L3MBTL4: variants seen among roughly 807,000 people sequenced by gnomAD.
L3MBTL4 encodes lethal(3)malignant brain tumor-like protein 4.
Under a neutral mutation model 84.5 loss-of-function variants are expected in L3MBTL4, and 70 were observed. That is an observed-to-expected ratio of 0.83 (90% CI 0.68 to 1.01). The LOEUF (loss-of-function observed/expected upper bound fraction) is 1.01. L3MBTL4 is among the 50% of genes least tolerant of loss of function. L3MBTL4 has a pLI of 0.00. For synonymous variants in L3MBTL4, 274 were observed against 259.8 expected (o/e 1.05, Z -0.52); for missense variants, 715 against 754.8 (o/e 0.95, Z 0.62).
Position 6,288,381 on chromosome 18 carries a change from G to A in L3MBTL4, c.127+13522C>T, listed in dbSNP as rs529452080. Among the ~76,000 whole-genome samples the A allele has an allele frequency of 7.2e-5, 11 of 152,136 alleles. No homozygotes were observed. The South Asian group carries it at 2.3e-3, about 32-fold the overall frequency. ...TAACTAACCCAAATGTTTATTTTTA[G>A]TTCACATGACTTAAGTAAATCTTTG... is the stretch of plus-strand genomic sequence containing the variant. On this transcript the variant is annotated intron_variant, in intron 4 of 18. Transcript: ENST00000317931.
chr18:6,202,359 G>A (rs2045683997), intron 12 of L3MBTL4, among the ~76,000 whole-genome samples: 1 of 151,990 alleles, frequency 6.6e-6, no homozygotes, highest in African/African-American at 2.4e-5. Flanking sequence ...AGGACACACT[G>A]AAGAGCTGAT....
At chr18:6,132,974 C>T (rs2059919359) in intron 14 of L3MBTL4, among the ~76,000 whole-genome samples, 1 of 152,152 alleles carries the variant, frequency 6.6e-6, no homozygotes, top group African/African-American at 2.4e-5. Context: ...ATTTTAGCAC[C>T]AGTTCCACGG....
intron 1 of L3MBTL4, among the ~76,000 whole-genome samples, chr18:6,357,773 C>T (rs993216872): frequency 6.6e-6 from 1 of 152,132 alleles, no homozygotes; most frequent in African/African-American, 2.4e-5. Flanking sequence ...AAGTCAGTTG[C>T]CTAAGCCTTG....
intron 1 of L3MBTL4, among the ~76,000 whole-genome samples, chr18:6,407,456 A>G (rs2055783421): frequency 6.6e-6 from 1 of 152,228 alleles, no homozygotes; most frequent in Non-Finnish European, 1.5e-5. Flanking sequence ...ATAGACTTGG[A>G]AGTACTATGC....
chr18:6,117,896 A>G (rs138133068), intron 14 of L3MBTL4, among the ~76,000 whole-genome samples: 2,240 of 152,256 alleles, frequency 0.015, 24 homozygotes, highest in Middle Eastern at 0.068. Flanking sequence ...TTAATAACAC[A>G]AGACAGAAAT....
At chr18:6,370,060 G>A (rs2054092834) in intron 1 of L3MBTL4, among the ~76,000 whole-genome samples, 1 of 151,550 alleles carries the variant, frequency 6.6e-6, no homozygotes, top group Admixed American at 6.6e-5. Context: ...CTTGAACCTG[G>A]GAGGCAGAGG....
chr18:6,085,553 C>T (rs939962906), intron 15 of L3MBTL4, among the ~76,000 whole-genome samples: 3 of 152,194 alleles, frequency 2.0e-5, no homozygotes, highest in African/African-American at 7.2e-5. Flanking sequence ...TTTCCCCATG[C>T]TGTTCTCATG....
At chr18:6,156,302 A>G (rs528900920) in intron 13 of L3MBTL4, among the ~76,000 whole-genome samples, 1 of 152,178 alleles carries the variant, frequency 6.6e-6, no homozygotes, top group African/African-American at 2.4e-5. Flanking sequence ...GTGTAGAACT[A>G]TTTCCCATAG....
At chr18:6,343,491 G>A (rs867027575) in intron 1 of L3MBTL4, among the ~76,000 whole-genome samples, 2 of 151,738 alleles carry the variant, frequency 1.3e-5, no homozygotes, top group African/African-American at 2.4e-5. Flanking sequence ...GTGAAACCCC[G>A]TCTCTACTAA....
chr18:6,246,981 A>G (rs1416213060), intron 5 of L3MBTL4, among the ~76,000 whole-genome samples: 1 of 152,002 alleles, frequency 6.6e-6, no homozygotes, highest in East Asian at 1.9e-4. Flanking sequence ...GCATAGATAG[A>G]CTTTGCCTAG....
intron 5 of L3MBTL4, 25 bp from the exon 6 acceptor site, chr18:6,244,613 T>A: frequency 6.9e-7 from 1 of 1,459,814 alleles, no homozygotes; most frequent in East Asian, 2.3e-5. Flanking sequence ...GACATAACAT[T>A]AGCCACTGAG....
intron 14 of L3MBTL4, among the ~76,000 whole-genome samples, chr18:6,128,317 T>C (rs2059769039): frequency 6.6e-6 from 1 of 150,784 alleles, no homozygotes; most frequent in African/African-American, 2.4e-5. Context: ...ACAGAGCAAA[T>C]AGAAAAGAGA....
intron 13 of L3MBTL4, among the ~76,000 whole-genome samples, chr18:6,150,176 G>A (rs2042831383): frequency 6.6e-6 from 1 of 152,090 alleles, no homozygotes; most frequent in Non-Finnish European, 1.5e-5. Flanking sequence ...GTTGCTGATA[G>A]AAATGTCATA....
At chr18:6,145,801 T>C (rs1459878736) in intron 13 of L3MBTL4, among the ~76,000 whole-genome samples, 1 of 152,204 alleles carries the variant, frequency 6.6e-6, no homozygotes, top group East Asian at 1.9e-4. Context: ...GACGCTGCTG[T>C]TCCCTTTGCT....
At chr18:6,401,890 C>T (rs186835689) in intron 1 of L3MBTL4, among the ~76,000 whole-genome samples, 4 of 152,310 alleles carry the variant, frequency 2.6e-5, no homozygotes, top group Non-Finnish European at 4.4e-5. Flanking sequence ...GAACCAGGGG[C>T]GCAGCGCCAT....
At chr18:6,353,266 G>C (rs2053283487) in intron 1 of L3MBTL4, among the ~76,000 whole-genome samples, 2 of 144,284 alleles carry the variant, frequency 1.4e-5, no homozygotes, top group Non-Finnish European at 3.0e-5. Flanking sequence ...ACTTTCAAGA[G>C]ACCATGATGA....
intron 13 of L3MBTL4, among the ~76,000 whole-genome samples, chr18:6,161,209 G>A (rs1052083532): frequency 5.9e-5 from 9 of 152,134 alleles, no homozygotes; most frequent in Non-Finnish European, 1.2e-4. Context: ...CAGACAAATC[G>A]CGTCCTCATG....
intron 1 of L3MBTL4, among the ~76,000 whole-genome samples, chr18:6,409,046 C>T (rs561829976): frequency 6.6e-6 from 1 of 152,258 alleles, no homozygotes; most frequent in East Asian, 1.9e-4. Flanking sequence ...TTCTGTCTGC[C>T]TACTTCCCTT....
chr18:6,193,998 G>C (rs1964508), intron 12 of L3MBTL4, among the ~76,000 whole-genome samples: 7,764 of 152,190 alleles, frequency 0.051, 688 homozygotes, highest in African/African-American at 0.18. Context: ...TGGGGTCGAA[G>C]AAGGAAGAAG....
Sources: gnomAD v4.1 joint callset for allele counts (sites outside exome capture counted in the v4.1 genomes callset) on GRCh38, gnomAD v4.1.1 for gene constraint, MANE v1.5 for transcripts, NCBI Gene and HGNC (gene_info 2026-07-23, HGNC 2026-07-21) for gene names.